Variants in TNFSF4 observed in about 807,000 individuals in gnomAD.
The protein encoded by TNFSF4 is tumor necrosis factor ligand superfamily member 4.
TNFSF4 carries 4 observed loss-of-function variants against 7.3 expected under a neutral mutation model. The observed-to-expected ratio is 0.55, with a 90% CI of 0.27 to 1.25. TNFSF4 has a LOEUF of 1.25. TNFSF4 is among the 50% of genes most tolerant of loss of function. The pLI, the probability that TNFSF4 is intolerant of heterozygous loss-of-function variation, is 0.12. For synonymous variants in TNFSF4, 76 were observed against 83.7 expected, an observed-to-expected ratio of 0.91 and a Z score of 0.50; for missense variants, 181 against 208.8, an observed-to-expected ratio of 0.87 and a Z score of 0.82.
At chr1:173,422,460 T>C in the TNFSF4 span, among the ~76,000 whole-genome samples, 1 of 151,916 alleles carries the variant, frequency 6.6e-6, no homozygotes, top group Admixed American at 6.6e-5. Context: ...CAGGTCTTTG[T>C]AGTATGGTGT....
chr1:173,339,669 T>C, the TNFSF4 span, among the ~76,000 whole-genome samples: 2 of 152,152 alleles, frequency 1.3e-5, no homozygotes, highest in Admixed American at 1.3e-4. Flanking sequence ...TACAACATAG[T>C]AGTTAATTTA....
At chr1:173,312,431 CT>C in the TNFSF4 span, among the ~76,000 whole-genome samples, 1 of 151,838 alleles carries the variant, frequency 6.6e-6, no homozygotes, top group African/African-American at 2.4e-5. Context: ...AATTTCTTGT[CT>C]CTCTCTTTTT....
chr1:173,267,414 T>C, the TNFSF4 span, among the ~76,000 whole-genome samples: 40 of 152,206 alleles, frequency 2.6e-4, no homozygotes, highest in Admixed American at 2.6e-3. Context: ...TTATAAATGC[T>C]GATTCCCAAT....
the TNFSF4 span, among the ~76,000 whole-genome samples, chr1:173,283,735 T>C: frequency 3.9e-5 from 6 of 151,930 alleles, no homozygotes; most frequent in East Asian, 1.2e-3. Flanking sequence ...GCTGAAAAAA[T>C]CATGAGCAAG....
At chr1:173,287,670 T>C in the TNFSF4 span, among the ~76,000 whole-genome samples, 3 of 152,106 alleles carry the variant, frequency 2.0e-5, no homozygotes, top group African/African-American at 7.2e-5. Context: ...TGGAAACAAC[T>C]GAAATGATTG....
the TNFSF4 span, among the ~76,000 whole-genome samples, chr1:173,380,134 C>T: frequency 0.7 from 106,185 of 151,518 alleles, 37,343 homozygotes; most frequent in African/African-American, 0.77. Context: ...CCGAGGAATC[C>T]TGGGACAGCC....
chr1:173,207,418 C>A, upstream of TNFSF4: 1 of 383,158 alleles, frequency 2.6e-6, no homozygotes, highest in East Asian at 3.9e-5. Context: ...CTGAATTTCC[C>A]CTTTACTTTC....
At chr1:173,176,739 G>T in the TNFSF4 span, among the ~76,000 whole-genome samples, 1 of 152,220 alleles carries the variant, frequency 6.6e-6, no homozygotes, top group South Asian at 2.1e-4. Flanking sequence ...CCCATCAACA[G>T]TAAACTGGAT....
chr1:173,349,627 C>T, the TNFSF4 span, among the ~76,000 whole-genome samples: 1 of 152,116 alleles, frequency 6.6e-6, no homozygotes, highest in Admixed American at 6.6e-5. Context: ...TCAAAAGACT[C>T]TATATAAATC....
At chr1:173,262,518 T>C in the TNFSF4 span, among the ~76,000 whole-genome samples, 14 of 150,244 alleles carry the variant, frequency 9.3e-5, no homozygotes, top group Non-Finnish European at 1.9e-4. Flanking sequence ...GGTAGTCAAA[T>C]AGGAAAAGAG....
the TNFSF4 span, among the ~76,000 whole-genome samples, chr1:173,227,014 C>T: frequency 1.3e-5 from 2 of 151,956 alleles, no homozygotes; most frequent in Non-Finnish European, 2.9e-5. Context: ...CCTTTATGAC[C>T]TAACTGCAAG....
At chr1:173,310,424 T>C in the TNFSF4 span, among the ~76,000 whole-genome samples, 1 of 151,940 alleles carries the variant, frequency 6.6e-6, no homozygotes, top group Non-Finnish European at 1.5e-5. Context: ...TTCAGAAATA[T>C]ATTTCTTAAT....
At chr1:173,401,501 C>A in the TNFSF4 span, among the ~76,000 whole-genome samples, 2 of 152,214 alleles carry the variant, frequency 1.3e-5, no homozygotes, top group South Asian at 2.1e-4. Context: ...CTGTTGAGGA[C>A]ATGAAAAAAC....
chr1:173,436,758 T>A, the TNFSF4 span, among the ~76,000 whole-genome samples: 4 of 152,134 alleles, frequency 2.6e-5, no homozygotes, highest in African/African-American at 7.2e-5. Flanking sequence ...TTTTAAGCCC[T>A]CAGGCATGGA....
chr1:173,181,454 C>T (rs1649054548), downstream of TNFSF4, among the ~76,000 whole-genome samples: 1 of 152,218 alleles, frequency 6.6e-6, no homozygotes, highest in Non-Finnish European at 1.5e-5. Context: ...CCGCTCCTAA[C>T]ATCCCTCTGT....
chr1:173,293,880 C>G, the TNFSF4 span, among the ~76,000 whole-genome samples: 1 of 152,046 alleles, frequency 6.6e-6, no homozygotes, highest in Non-Finnish European at 1.5e-5. Flanking sequence ...ACATCACTAA[C>G]TATCAGAGAA....
the TNFSF4 span, among the ~76,000 whole-genome samples, chr1:173,348,800 G>T: frequency 6.6e-6 from 1 of 152,130 alleles, no homozygotes; most frequent in African/African-American, 2.4e-5. Flanking sequence ...GGATGAAATG[G>T]GCAATGTAAC....
At chr1:173,356,066 G>C in the TNFSF4 span, among the ~76,000 whole-genome samples, 1,058 of 152,290 alleles carry the variant, frequency 6.9e-3, 2 homozygotes, top group Non-Finnish European at 0.012. Context: ...CCATTCCCAA[G>C]GTAAACAGAT....
chr1:173,224,829 T>G, the TNFSF4 span, among the ~76,000 whole-genome samples: 1 of 152,160 alleles, frequency 6.6e-6, no homozygotes, highest in Non-Finnish European at 1.5e-5. Context: ...GGCCACAGAA[T>G]CACACTTTCT....
Sources: gnomAD v4.1 joint callset for allele counts (sites outside exome capture counted in the v4.1 genomes callset) on GRCh38, gnomAD v4.1.1 for gene constraint, MANE v1.5 for transcripts, NCBI Gene and HGNC (gene_info 2026-07-23, HGNC 2026-07-21) for gene names.